MGMT: variants seen among roughly 807,000 people sequenced by gnomAD.
The protein encoded by MGMT is methylated-DNA--protein-cysteine methyltransferase.
In MGMT, 14 loss-of-function variants were observed where a neutral mutation model predicts 15.9. The ratio of observed to expected loss-of-function variants is 0.88; its 90% CI spans 0.58 to 1.37. The LOEUF (loss-of-function observed/expected upper bound fraction) is 1.37. Ranked by LOEUF, MGMT falls within the 40% of genes most tolerant of loss-of-function variation. MGMT has a pLI of 0.00. For synonymous variants in MGMT, 130 were observed against 118.2 expected (o/e 1.10, Z -0.65); for missense variants, 282 against 268.1 (o/e 1.05, Z -0.36).
intron 2 of MGMT, among the ~76,000 whole-genome samples, chr10:129,544,071 T>G (rs1426466434): frequency 1.3e-5 from 2 of 152,142 alleles, no homozygotes; most frequent in Non-Finnish European, 2.9e-5. Context: ...AGTTTCCATT[T>G]AAGAGTCATT....
chr10:129,567,189 A>T (rs752698274), intron 2 of MGMT, among the ~76,000 whole-genome samples: 4 of 152,146 alleles, frequency 2.6e-5, no homozygotes, highest in Non-Finnish European at 5.9e-5. Context: ...GCGGGTGGTC[A>T]TCGGCCAGAC....
At chr10:129,637,282 C>T (rs1847273871) in intron 2 of MGMT, among the ~76,000 whole-genome samples, 1 of 152,134 alleles carries the variant, frequency 6.6e-6, no homozygotes, top group Non-Finnish European at 1.5e-5. Context: ...TGCAGATGGG[C>T]CCACCCTGTC....
chr10:129,728,361 T>C (rs1287997622), intron 3 of MGMT, among the ~76,000 whole-genome samples: 1 of 151,996 alleles, frequency 6.6e-6, no homozygotes, highest in African/African-American at 2.4e-5. Flanking sequence ...TGAGGCAGCA[T>C]AGGGAGTGGG....
At chr10:129,516,562 T>C (rs1845740472) in intron 1 of MGMT, among the ~76,000 whole-genome samples, 1 of 152,186 alleles carries the variant, frequency 6.6e-6, no homozygotes, top group Non-Finnish European at 1.5e-5. Context: ...ATCAAAACCG[T>C]GTAGCACGTT....
chr10:129,730,985 C>T (rs1333014870), intron 3 of MGMT, among the ~76,000 whole-genome samples: 1 of 152,150 alleles, frequency 6.6e-6, no homozygotes, highest in Non-Finnish European at 1.5e-5. Flanking sequence ...ATAAATACGC[C>T]TCTGGGGGAG....
At chr10:129,610,639 A>G (rs1846949120) in intron 2 of MGMT, among the ~76,000 whole-genome samples, 1 of 152,178 alleles carries the variant, frequency 6.6e-6, no homozygotes, top group Admixed American at 6.5e-5. Context: ...TTGCAAATAC[A>G]ATTTTATTGG....
At chr10:129,520,349 C>T (rs35902959) in intron 1 of MGMT, among the ~76,000 whole-genome samples, 37,755 of 151,928 alleles carry the variant, frequency 0.25, 5,607 homozygotes, top group African/African-American at 0.42. Flanking sequence ...CCGAGGTTGC[C>T]GAAACTGGAG....
chr10:129,685,535 C>T (rs1488010455), intron 2 of MGMT, among the ~76,000 whole-genome samples: 1 of 152,206 alleles, frequency 6.6e-6, no homozygotes, highest in African/African-American at 2.4e-5. Context: ...GGGCTCCTCT[C>T]CCCGGGGCCC....
At chr10:129,623,564 T>C (rs766888893) in intron 2 of MGMT, among the ~76,000 whole-genome samples, 10 of 152,222 alleles carry the variant, frequency 6.6e-5, no homozygotes, top group Non-Finnish European at 1.2e-4. Context: ...ACTTTAGTTA[T>C]AGAGTCTCGC....
At chr10:129,689,723 A>G (rs2133126863) in intron 2 of MGMT, among the ~76,000 whole-genome samples, 1 of 152,342 alleles carries the variant, frequency 6.6e-6, no homozygotes, top group East Asian at 1.9e-4. Flanking sequence ...TTCTTGGCTT[A>G]ACTCTTGATC....
intron 2 of MGMT, among the ~76,000 whole-genome samples, chr10:129,584,859 A>G (rs1846600852): frequency 6.6e-6 from 1 of 152,184 alleles, no homozygotes; most frequent in Non-Finnish European, 1.5e-5. Context: ...ATGTGGATGA[A>G]CCACATTTTG....
Position 129,543,158 on chromosome 10 carries a change from A to G in MGMT, c.125+6781A>G, listed in dbSNP as rs563457377. 1.7e-4 allele frequency among the ~76,000 whole-genome samples: 26 copies of G among 152,310 alleles called. No homozygotes were observed. The South Asian group carries it at 4.3e-3, about 25-fold the overall frequency. On this transcript the variant is annotated intron_variant, in intron 2 of 4. Coordinates refer to ENST00000651593, the MANE Select transcript of MGMT (RefSeq NM_002412.5). ...GGCCCCCGGACACACAGTGCTGCAC[A>G]TGGGGCCTGCAGAGGTGTTAGCGTA...
intron 2 of MGMT, among the ~76,000 whole-genome samples, chr10:129,555,528 T>C (rs759983729): frequency 2.0e-4 from 31 of 151,506 alleles, no homozygotes; most frequent in Non-Finnish European, 3.7e-4. Context: ...CTGGGCAACA[T>C]AGATTCTGTC....
At chr10:129,684,058 T>C (rs1847880970) in intron 2 of MGMT, among the ~76,000 whole-genome samples, 1 of 152,254 alleles carries the variant, frequency 6.6e-6, no homozygotes, top group Non-Finnish European at 1.5e-5. Flanking sequence ...CCTCTGTATT[T>C]GCTGAAATAT....
intron 2 of MGMT, among the ~76,000 whole-genome samples, chr10:129,679,128 G>T (rs967047743): frequency 1.3e-5 from 2 of 151,912 alleles, no homozygotes; most frequent in Non-Finnish European, 2.9e-5. Flanking sequence ...TTAGTCATAG[G>T]ATTACAAGAT....
chr10:129,699,847 T>C (rs1026709753), intron 2 of MGMT, among the ~76,000 whole-genome samples: 3 of 152,110 alleles, frequency 2.0e-5, no homozygotes, highest in Non-Finnish European at 4.4e-5. Flanking sequence ...ATGATGTCCT[T>C]TTGTACAGAA....
At chr10:129,593,647 A>G (rs1846716065) in intron 2 of MGMT, among the ~76,000 whole-genome samples, 1 of 152,214 alleles carries the variant, frequency 6.6e-6, no homozygotes, top group South Asian at 2.1e-4. Flanking sequence ...GGTGACAACA[A>G]CAATGGGTGG....
At chr10:129,708,568 C>T (rs1236745834) in intron 3 of MGMT, among the ~76,000 whole-genome samples, 2 of 152,148 alleles carry the variant, frequency 1.3e-5, no homozygotes, top group South Asian at 2.1e-4. Flanking sequence ...GAGAACTTAC[C>T]TGTATGTAGC....
At chr10:129,545,485 G>T (rs538686447) in intron 2 of MGMT, among the ~76,000 whole-genome samples, 1 of 152,274 alleles carries the variant, frequency 6.6e-6, no homozygotes, top group South Asian at 2.1e-4. Flanking sequence ...ACATGAGCTC[G>T]CATACGTGCT....
Sources: gnomAD v4.1 joint callset for allele counts (sites outside exome capture counted in the v4.1 genomes callset) on GRCh38, gnomAD v4.1.1 for gene constraint, MANE v1.5 for transcripts, NCBI Gene and HGNC (gene_info 2026-07-23, HGNC 2026-07-21) for gene names.